NIPSNAP3A: variants seen among roughly 807,000 people sequenced by gnomAD.
The protein encoded by NIPSNAP3A is protein NipSnap homolog 3A.
A neutral mutation model predicts 32.3 loss-of-function variants in NIPSNAP3A; 27 were observed. The observed-to-expected ratio is 0.84, with a 90% confidence interval of 0.62 to 1.15. The LOEUF (loss-of-function observed/expected upper bound fraction) is 1.15. Ranked by LOEUF, NIPSNAP3A falls within the 50% of genes most tolerant of loss-of-function variation. The pLI, the probability that NIPSNAP3A is intolerant of heterozygous loss-of-function variation, is 0.00. For missense variants in NIPSNAP3A, 278 were observed against 297.2 expected (o/e 0.94, Z 0.48); for synonymous variants, 108 against 107.3 (o/e 1.01, Z -0.04).
At chr9:104,757,444 G>A (rs1245395126) in intron 4 of NIPSNAP3A, among the ~76,000 whole-genome samples, 2 of 152,080 alleles carry the variant, frequency 1.3e-5, no homozygotes, top group Non-Finnish European at 1.5e-5. Flanking sequence ...AGATTATTAT[G>A]AGGACCTAGA....
chr9:104,748,865 G>A (rs764330870), intron 1 of NIPSNAP3A, among the ~76,000 whole-genome samples: 6 of 152,128 alleles, frequency 3.9e-5, no homozygotes, highest in Non-Finnish European at 7.4e-5. Flanking sequence ...GTTGCTGGTG[G>A]GAATGATCCC....
chr9:104,750,964 A>C lies in NIPSNAP3A; in HGVS notation c.69A>C (p.Ser23=). The C allele has an allele frequency of 6.2e-7, 1 of 1,612,276 alleles. No homozygotes were observed. Among genetic ancestry groups the C allele is most frequent in the East Asian group, 2.2e-5 (1 of 44,828 alleles). ...ASRTLAPQMC[S]SFATGPRQYD... ...TGTCTTATCTTCTTCAGATGTGCTC[A>C]TCTTTTGCTACGGGACCCAGACAAT... is the stretch of plus-strand genomic sequence containing the variant. Residue 23 remains serine (S), a synonymous_variant, in exon 2 of 6, where the codon TCA becomes TCC. Coordinates refer to ENST00000374767, the MANE Select transcript of NIPSNAP3A (RefSeq NM_015469.3).
intron 1 of NIPSNAP3A, 34 bp downstream of exon 1, chr9:104,747,886 G>T: frequency 6.8e-7 from 1 of 1,469,002 alleles, no homozygotes. Context: ...GCCTTCACCC[G>T]ACGGGAGGGG....
chr9:104,759,001 A>C, intron 4 of NIPSNAP3A, 84 bp from the exon 5 acceptor site: 2 of 770,218 alleles, frequency 2.6e-6, no homozygotes, highest in Non-Finnish European at 4.3e-6. Context: ...AAAAAAGAAT[A>C]GGATGGGTTT....
intron 1 of NIPSNAP3A, 101 bp downstream of exon 1, chr9:104,747,953 C>T: frequency 8.4e-7 from 1 of 1,194,250 alleles, no homozygotes; most frequent in Non-Finnish European, 1.2e-6. Context: ...GCGCTCTCCG[C>T]CACGCGCGCC....
intron 1 of NIPSNAP3A, among the ~76,000 whole-genome samples, chr9:104,750,548 A>G (rs1240119524): frequency 6.6e-6 from 1 of 152,142 alleles, no homozygotes; most frequent in African/African-American, 2.4e-5. Context: ...ACACAGAGTA[A>G]ATGACTTTGC....
chr9:104,751,051 C>T lies in NIPSNAP3A; in HGVS notation c.156C>T (p.Phe52=), dbSNP rs372157998. ...TTAAGCCCTCAAAGATGAATGAGTT[C>T]CTGGAAAATTTTGAGAAAAACGCTC... ...YYLKPSKMNE[F]LENFEKNAHL... is the part of the protein sequence containing the mutation. The change falls in exon 2 of 6, where the codon TTC becomes TTT. Residue 52 remains phenylalanine (F), a synonymous_variant. Transcript: ENST00000374767. 7 of 1,613,784 alleles carry T rather than the reference C, an allele frequency of 4.3e-6. No homozygotes were observed. In the African/African-American group the frequency reaches 9.3e-5, roughly 22 times the overall value.
At chr9:104,754,417 C>G in intron 3 of NIPSNAP3A, 134 bp from the exon 4 acceptor site, 1 of 707,388 alleles carries the variant, frequency 1.4e-6, no homozygotes, top group Non-Finnish European at 2.4e-6. Flanking sequence ...ATATAATAAA[C>G]ATGTCTACAT....
rs1827949060 is a variant in NIPSNAP3A at position 104,759,548 on chromosome 9, C to T, written c.*210C>T. On this transcript the variant is annotated 3_prime_UTR_variant, in exon 6 of 6. Coordinates refer to ENST00000374767, the MANE Select transcript of NIPSNAP3A (RefSeq NM_015469.3). Reference sequence around the variant, plus strand: ...TACTTTCTGCATGGTATTTCAGTGTCTGTCATACATTAAAAATACTTGTCA... The same window carrying T: ...TACTTTCTGCATGGTATTTCAGTGTTTGTCATACATTAAAAATACTTGTCA... 3.6e-6 allele frequency: 2 copies of T among 556,206 alleles called. No homozygotes were observed. The highest frequency in any genetic ancestry group is 6.4e-6 in the Non-Finnish European group (2 of 311,994). 34.5% of individuals were successfully genotyped at this position (556,206 alleles called of 1,614,324 possible). A position where few individuals can be genotyped will look rare whatever the true frequency, so the allele number is the denominator to read the frequency against.
In NIPSNAP3A at chr9:104,754,704, C is replaced by A. The variant is rs774469480; in HGVS notation, c.580+4C>A. 6.2e-7 allele frequency: 1 copy of A among 1,611,648 alleles called. No homozygotes were observed. The highest frequency in any genetic ancestry group is 1.1e-5 in the South Asian group (1 of 91,024). On this transcript the variant is annotated splice_donor_region_variant and intron_variant, in intron 4 of 5. Coordinates refer to ENST00000374767, the MANE Select transcript of NIPSNAP3A (RefSeq NM_015469.3). ...GAGTACGGAGCACTCAACAGAGGTA[C>A]AATTGTCCATTTCTTCTTATATGAA...
chr9:104,748,514 G>A (rs527549296), intron 1 of NIPSNAP3A, among the ~76,000 whole-genome samples: 151 of 152,304 alleles, frequency 9.9e-4, no homozygotes, highest in Non-Finnish European at 1.8e-3. Context: ...TTTAACCTTA[G>A]ATGAGAAATG....
intron 2 of NIPSNAP3A, among the ~76,000 whole-genome samples, chr9:104,752,170 T>C (rs548720900): frequency 2.0e-4 from 31 of 152,262 alleles, no homozygotes; most frequent in Admixed American, 5.2e-4. Context: ...ATGGTAATTA[T>C]AGTACTAGGC....
Position 104,759,074 on chromosome 9 carries a change from T to C in NIPSNAP3A, c.581-11T>C, listed in dbSNP as rs1273308875. On this transcript the variant is annotated splice_polypyrimidine_tract_variant and intron_variant, in intron 4 of 5. Coordinates refer to ENST00000374767, the MANE Select transcript of NIPSNAP3A (RefSeq NM_015469.3). ...TATTTTTTAGAAGCTACTTGTGGTT[T>C]ATTTCTGCAGTTCATGTTCTTTGGT... 1.9e-6 allele frequency: 3 copies of C among 1,608,822 alleles called. No individual in the cohort carries two copies. The African/African-American group carries it at 4.0e-5, about 22-fold the overall frequency.
At chr9:104,757,157 TGTGTTC>T (rs1827915955) in intron 4 of NIPSNAP3A, among the ~76,000 whole-genome samples, 1 of 152,214 alleles carries the variant, frequency 6.6e-6, no homozygotes, top group African/African-American at 2.4e-5. Flanking sequence ...ACAGAAAATG[TGTGTTC>T]ATACACTTTT....
intron 3 of NIPSNAP3A, 127 bp downstream of exon 3, chr9:104,753,191 G>A (rs951112935): frequency 1.3e-6 from 1 of 764,326 alleles, no homozygotes. Flanking sequence ...AACATACAGT[G>A]ATTGTTGTGG....
rs1262809759 is a variant in NIPSNAP3A, at chr9:104,748,503, T to A, written c.60+651T>A. Among the ~76,000 whole-genome samples the A allele has an allele frequency of 5.9e-5, 9 of 152,182 alleles. 1 individual carries two copies. Among genetic ancestry groups the A allele is most frequent in the Admixed American group, 5.9e-4 (9 of 15,284 alleles). On this transcript the variant is annotated intron_variant, in intron 1 of 5. Coordinates refer to ENST00000374767, the MANE Select transcript of NIPSNAP3A (RefSeq NM_015469.3). The stretch of plus-strand genomic sequence containing the variant: ...AAACCGGACGATGACAGACAGACTC[T>A]TTTAACCTTAGATGAGAAATGGACA...
chr9:104,751,023 AC>A lies in NIPSNAP3A; in HGVS notation c.130del (p.Lys45SerfsTer5). On this transcript the variant is annotated frameshift_variant, in exon 2 of 6. Coordinates refer to ENST00000374767, the MANE Select transcript of NIPSNAP3A (RefSeq NM_015469.3). LOFTEE classifies it high-confidence loss of function. ...ATATTCTATGAATTTCGTTCTTATT[AC>A]CTTAAGCCCTCAAAGATGAATGAGT... ...DGIFYEFRSY[Y>X]LKPSKMNEFL... 1 of 1,614,044 alleles carries A rather than the reference AC, an allele frequency of 6.2e-7. No homozygotes were observed. The highest frequency in any genetic ancestry group is 8.5e-7 in the Non-Finnish European group (1 of 1,179,934).
intron 2 of NIPSNAP3A, among the ~76,000 whole-genome samples, chr9:104,752,155 T>A (rs1352531163): frequency 6.6e-6 from 1 of 152,148 alleles, no homozygotes; most frequent in East Asian, 1.9e-4. Context: ...TCTTATGAGG[T>A]CCTAATGGTA....
chr9:104,759,097 G>A lies in NIPSNAP3A; in HGVS notation c.593G>A (p.Trp198Ter), dbSNP rs1189956835. ...TTTATTTCTGCAGTTCATGTTCTTT[G>A]GTGGAATGAGAGTGCAGATAGTCGT... ...YGALNRVHVL[W>*]WNESADSRAA... Residue 198 changes from tryptophan (W) to a stop codon, truncating the protein, a stop_gained, in exon 5 of 6, where the codon TGG becomes TAG. Coordinates refer to ENST00000374767, the MANE Select transcript of NIPSNAP3A (RefSeq NM_015469.3). LOFTEE classifies it high-confidence loss of function. The A allele has an allele frequency of 6.2e-7, 1 of 1,611,438 alleles. No homozygotes were observed.
Sources: allele counts gnomAD v4.1 joint callset (sites outside exome capture counted in the v4.1 genomes callset), GRCh38; gene constraint gnomAD v4.1.1; transcripts MANE v1.5; gene names NCBI Gene and HGNC (gene_info 2026-07-23, HGNC 2026-07-21).